Variants in CCDC13 observed in about 807,000 individuals in gnomAD.
CCDC13 encodes coiled-coil domain-containing protein 13.
A neutral mutation model predicts 87.3 loss-of-function variants in CCDC13; 70 were observed. That is an observed-to-expected ratio of 0.80 (90% CI 0.66 to 0.98). The LOEUF (loss-of-function observed/expected upper bound fraction) is 0.98. Among genes scored for constraint, CCDC13 ranks in the 50% least tolerant of loss-of-function variants. The pLI, the probability that CCDC13 is intolerant of heterozygous loss-of-function variation, is 0.00. For missense variants in CCDC13, 842 were observed against 892.0 expected, an observed-to-expected ratio of 0.94 and a Z score of 0.71; for synonymous variants, 317 against 360.3, an observed-to-expected ratio of 0.88 and a Z score of 1.36.
intron 3 of CCDC13, among the ~76,000 whole-genome samples, chr3:42,755,883 AGCCCATCAGCTTCTCTACAGCCTT>A (rs1699693809): frequency 6.6e-6 from 1 of 152,138 alleles, no homozygotes. Flanking sequence ...CTCCCCCTGG[AGCCCATCAGCTTCTCTACAGCCTT>A]GCAAAAGTGC....
At position 42,707,480 on chromosome 3, in the gene CCDC13, TC is replaced by T. The variant is rs1698204293; in HGVS notation, c.*1499del. On this transcript the variant is annotated 3_prime_UTR_variant, in exon 16 of 16. Coordinates refer to ENST00000310232, the MANE Select transcript of CCDC13 (RefSeq NM_144719.4). ...AGGAGTGGGGGCCAGCTAGGGTCCCTCCATAGCCCCATCCCCAAGGAAGGGG... is the reference window on the plus strand; with the variant it reads ...AGGAGTGGGGGCCAGCTAGGGTCCCTCATAGCCCCATCCCCAAGGAAGGGG... 6.6e-6 allele frequency among the ~76,000 whole-genome samples: 1 copy of T among 152,024 alleles called. No homozygotes were observed. The highest frequency in any genetic ancestry group is 6.5e-5 in the Admixed American group (1 of 15,274).
At chr3:42,759,206 G>A (rs1699774869) in intron 1 of CCDC13, among the ~76,000 whole-genome samples, 2 of 151,994 alleles carry the variant, frequency 1.3e-5, no homozygotes, top group African/African-American at 2.4e-5. Flanking sequence ...CTACTTAGGA[G>A]GCTGAGGTGG....
At chr3:42,728,784 C>T (rs1458058791) in intron 13 of CCDC13, among the ~76,000 whole-genome samples, 1 of 152,098 alleles carries the variant, frequency 6.6e-6, no homozygotes, top group Non-Finnish European at 1.5e-5. Context: ...CTCACAGAGC[C>T]CCAACACCCC....
At chr3:42,735,653 G>A in intron 10 of CCDC13, 54 bp downstream of exon 10, 1 of 1,566,666 alleles carries the variant, frequency 6.4e-7, no homozygotes, top group Non-Finnish European at 8.8e-7. Context: ...GAAGGAGCTG[G>A]ATGGACTTGC....
At chr3:42,747,512 C>A in intron 5 of CCDC13, 139 bp from the exon 6 acceptor site, 1 of 666,092 alleles carries the variant, frequency 1.5e-6, no homozygotes, top group East Asian at 2.6e-5. Context: ...TCCTCATAAA[C>A]CCCTGTGAGG....
rs77563435 is a variant in CCDC13 at position 42,755,809 on chromosome 3, C to G, written c.370+1257G>C. Among the ~76,000 whole-genome samples, 49 of 152,264 alleles carry G rather than the reference C, an allele frequency of 3.2e-4. No homozygotes were observed. In the East Asian group the frequency reaches 9.1e-3, roughly 28 times the overall value. On this transcript the variant is annotated intron_variant, in intron 3 of 15. Coordinates refer to ENST00000310232, the MANE Select transcript of CCDC13 (RefSeq NM_144719.4). ...AAGAGACAGTTAACAATGAGAGGGG[C>G]TGGGGAAGAGGGAGTAACCCCAGAT...
intron 1 of CCDC13, among the ~76,000 whole-genome samples, chr3:42,768,705 AAT>A (rs1404161419): frequency 6.6e-6 from 1 of 152,050 alleles, no homozygotes; most frequent in African/African-American, 2.4e-5. Context: ...AATAAAAAAA[AAT>A]AAAAAACAAG....
intron 15 of CCDC13, 112 bp from the exon 16 acceptor site, chr3:42,709,251 C>T: frequency 8.8e-7 from 1 of 1,140,466 alleles, no homozygotes; most frequent in Non-Finnish European, 1.2e-6. Context: ...CAGGCTCAGG[C>T]TTCCCTCTGA....
At chr3:42,720,184 A>T (rs959298309) in intron 13 of CCDC13, among the ~76,000 whole-genome samples, 1 of 152,218 alleles carries the variant, frequency 6.6e-6, no homozygotes, top group African/African-American at 2.4e-5. Flanking sequence ...GATGGTTATA[A>T]AGAAAAGAGA....
chr3:42,752,920 G>A (rs1699621786), intron 3 of CCDC13, among the ~76,000 whole-genome samples: 2 of 152,168 alleles, frequency 1.3e-5, no homozygotes, highest in South Asian at 4.1e-4. Context: ...GCCACTCAGA[G>A]GTTCAGTATG....
Position 42,708,920 on chromosome 3 carries a change from G to A in CCDC13, c.*60C>T. The stretch of plus-strand genomic sequence containing the variant: ...GGAGCAGATGGAGTCCTCAGACAGA[G>A]TCTTATCCTCTCAAGACCTGAGGCT... On this transcript the variant is annotated 3_prime_UTR_variant, in exon 16 of 16. Coordinates refer to ENST00000310232, the MANE Select transcript of CCDC13 (RefSeq NM_144719.4). 1 of 1,546,422 alleles carries A rather than the reference G, an allele frequency of 6.5e-7. No individual in the cohort carries two copies.
chr3:42,771,837 T>G (rs1257610261), intron 1 of CCDC13, among the ~76,000 whole-genome samples: 1 of 152,194 alleles, frequency 6.6e-6, no homozygotes, highest in African/African-American at 2.4e-5. Context: ...CCAGTATAGT[T>G]GTATCAATGA....
Position 42,708,295 on chromosome 3 carries a change from A to G in CCDC13, c.*685T>C, listed in dbSNP as rs1698222721. The G allele has an allele frequency of 6.6e-6, 1 of 152,174 alleles. No individual in the cohort carries two copies. The highest frequency in any genetic ancestry group is 1.5e-5 in the Non-Finnish European group (1 of 68,036). The allele number at this position is 152,174 out of a possible 1,614,324, so 9.4% of individuals were successfully genotyped here. ...TCTTTCTGTGAACCTCAGTTTCTTC[A>G]TCTGTCAAATAAGACAACAAACCCC... is the stretch of plus-strand genomic sequence containing the variant. On this transcript the variant is annotated 3_prime_UTR_variant, in exon 16 of 16. Coordinates refer to ENST00000310232, the MANE Select transcript of CCDC13 (RefSeq NM_144719.4).
intron 12 of CCDC13, chr3:42,732,529 A>G (rs1342089379): frequency 3.8e-6 from 1 of 264,292 alleles, no homozygotes; most frequent in Admixed American, 5.0e-5. Context: ...GTCTGAGGGG[A>G]TATCAGTGGG....
rs368060583 is a variant in CCDC13, at chr3:42,708,953, C to A, written c.*27G>T. 1.9e-6 allele frequency: 3 copies of A among 1,594,138 alleles called. No homozygotes were observed. Among genetic ancestry groups the A allele is most frequent in the Non-Finnish European group, 2.6e-6 (3 of 1,170,702 alleles). Reference sequence around the variant, plus strand: ...CTCTCAAGACCTGAGGCTGCCCACCCGGCCAGGCCGACACTGGGCTGTCAT... The same window carrying A: ...CTCTCAAGACCTGAGGCTGCCCACCAGGCCAGGCCGACACTGGGCTGTCAT... On this transcript the variant is annotated 3_prime_UTR_variant, in exon 16 of 16. Coordinates refer to ENST00000310232, the MANE Select transcript of CCDC13 (RefSeq NM_144719.4).
chr3:42,771,375 G>A (rs1232702468), intron 1 of CCDC13, among the ~76,000 whole-genome samples: 1 of 152,120 alleles, frequency 6.6e-6, no homozygotes, highest in Non-Finnish European at 1.5e-5. Flanking sequence ...GGGGGTTTTT[G>A]GGGAGGTGAA....
At chr3:42,766,450 T>C (rs919574754) in intron 1 of CCDC13, among the ~76,000 whole-genome samples, 60 of 151,858 alleles carry the variant, frequency 4.0e-4, no homozygotes, top group Admixed American at 3.9e-3. Context: ...AGAAAACCAA[T>C]GCACTAAAAA....
chr3:42,709,645 A>G (rs376589210), intron 15 of CCDC13, 39 bp downstream of exon 15: 2 of 1,548,004 alleles, frequency 1.3e-6, no homozygotes, highest in Non-Finnish European at 1.8e-6. Context: ...CTCTGCTCAG[A>G]CAACCCTACC....
At chr3:42,753,558 G>T (rs6442057) in intron 3 of CCDC13, among the ~76,000 whole-genome samples, 3 of 152,036 alleles carry the variant, frequency 2.0e-5, no homozygotes, top group Admixed American at 6.5e-5. Flanking sequence ...AAACATCAAA[G>T]AAATAAATAT....
Sources: allele counts gnomAD v4.1 joint callset (sites outside exome capture counted in the v4.1 genomes callset), GRCh38; gene constraint gnomAD v4.1.1; transcripts MANE v1.5; gene names NCBI Gene and HGNC (gene_info 2026-07-23, HGNC 2026-07-21).